CLTCL1: variants seen among roughly 807,000 people sequenced by gnomAD.
The protein encoded by CLTCL1 is clathrin heavy chain 2.
CLTCL1 carries 159 observed loss-of-function variants against 190.0 expected under a neutral mutation model. The ratio of observed to expected loss-of-function variants is 0.84; its 90% CI spans 0.74 to 0.95. CLTCL1 has a LOEUF of 0.95. Ranked by LOEUF, CLTCL1 falls within the 40% of genes least tolerant of loss-of-function variation. The probability of loss-of-function intolerance (pLI) is 0.00; values close to 1 mark genes in which losing one functional copy is unlikely to be tolerated. For missense variants in CLTCL1, 1,878 were observed against 2,033.4 expected, an observed-to-expected ratio of 0.92 and a Z score of 1.47; for synonymous variants, 752 against 769.6, an observed-to-expected ratio of 0.98 and a Z score of 0.38.
chr22:19,182,026 C>G (rs1215868541), intron 30 of CLTCL1: 1 of 152,238 alleles, frequency 6.6e-6, no homozygotes. Context: ...CCCACAAGCA[C>G]TTTGACCCCC....
At chr22:19,260,019 T>C (rs1235623443) in intron 2 of CLTCL1, among the ~76,000 whole-genome samples, 1 of 152,136 alleles carries the variant, frequency 6.6e-6, no homozygotes, top group Non-Finnish European at 1.5e-5. Flanking sequence ...ATGGACAAAG[T>C]TGTAGTGGCC....
At chr22:19,201,886 C>T (rs2084898846) in intron 22 of CLTCL1, among the ~76,000 whole-genome samples, 1 of 152,120 alleles carries the variant, frequency 6.6e-6, no homozygotes, top group South Asian at 2.1e-4. Context: ...AGCCCTAGTT[C>T]CTGATGCCAT....
intron 1 of CLTCL1, among the ~76,000 whole-genome samples, chr22:19,277,533 A>G (rs1364723020): frequency 6.6e-6 from 1 of 152,242 alleles, no homozygotes; most frequent in Non-Finnish European, 1.5e-5. Flanking sequence ...CAAAAAAACA[A>G]AACATTACTT....
chr22:19,193,916 G>C (rs1279248867), intron 26 of CLTCL1, among the ~76,000 whole-genome samples: 1 of 152,222 alleles, frequency 6.6e-6, no homozygotes, highest in Non-Finnish European at 1.5e-5. Flanking sequence ...AAGACTGATT[G>C]TGAAAAGCAA....
At chr22:19,289,169 G>A (rs988820968) in intron 1 of CLTCL1, among the ~76,000 whole-genome samples, 3 of 152,166 alleles carry the variant, frequency 2.0e-5, no homozygotes, top group Admixed American at 2.0e-4. Flanking sequence ...TTTTAGTAGA[G>A]ACGAGGTTTC....
In CLTCL1 at chr22:19,183,447, G is replaced by C. The variant is rs1218498643; in HGVS notation, c.4770C>G (p.Asn1590Lys). 1 of 1,613,592 alleles carries C rather than the reference G, an allele frequency of 6.2e-7. No homozygotes were observed. Among genetic ancestry groups the C allele is most frequent in the Non-Finnish European group, 8.5e-7 (1 of 1,179,894 alleles). The change falls in exon 30 of 33, where the codon AAC (asparagine) becomes AAG (lysine). Residue 1590 changes from asparagine (N) to lysine (K), a missense_variant. By Grantham distance (94) the Asn-to-Lys change is moderately conservative. Coordinates refer to ENST00000427926, the MANE Select transcript of CLTCL1 (RefSeq NM_007098.4). Reference protein sequence around the residue: ...DMVLELAWRHNLVDLAMPYFI... With the variant: ...DMVLELAWRHKLVDLAMPYFI... ...AGTAGGGCATGGCCAAGTCCACGAG[G>C]TTGTGCCTCCAGGCCAGCTCAAGCA... is the stretch of plus-strand genomic sequence containing the variant.
chr22:19,212,397 C>CAA lies in CLTCL1; in HGVS notation c.3066-1890_3066-1889dup, dbSNP rs548435992. ...CAATATGGCAAGACCCTGTCTCTAC[C>CAA]AAAAAAAAAAAAAAAAACAACTAGC... On this transcript the variant is annotated intron_variant, in intron 19 of 32. Transcript: ENST00000427926. 3.3e-3 allele frequency among the ~76,000 whole-genome samples: 337 copies of CAA among 102,320 alleles called. 2 individuals carry two copies. The highest frequency in any genetic ancestry group is 0.016 in the East Asian group (66 of 4,216). The allele number at this position is 102,320 out of a possible 152,430, so 67.1% of individuals were successfully genotyped here.
chr22:19,250,828 A>G (rs2086571017), intron 3 of CLTCL1, among the ~76,000 whole-genome samples: 1 of 152,228 alleles, frequency 6.6e-6, no homozygotes, highest in Non-Finnish European at 1.5e-5. Context: ...TGCTGGGATT[A>G]CAGGCATGAG....
chr22:19,193,399 G>A (rs959543305), intron 26 of CLTCL1, among the ~76,000 whole-genome samples: 6 of 152,206 alleles, frequency 3.9e-5, no homozygotes, highest in African/African-American at 1.4e-4. Context: ...ACTACAGGAG[G>A]AATGGAGCGG....
rs1056762623 is a variant in CLTCL1, at chr22:19,248,900, G to C, written c.519+5059C>G. Among the ~76,000 whole-genome samples, 6 of 152,208 alleles carry C rather than the reference G, an allele frequency of 3.9e-5. No homozygotes were observed. The South Asian group carries it at 8.3e-4, about 21-fold the overall frequency. On this transcript the variant is annotated intron_variant, in intron 3 of 32. Transcript: ENST00000427926. The stretch of plus-strand genomic sequence containing the variant: ...TCAGTTCTTACATTTAGGTCTGATC[G>C]ATTTTGAGTTTTTTAGTATTATGAG...
chr22:19,185,616 G>A (rs564676958), intron 29 of CLTCL1, among the ~76,000 whole-genome samples: 2 of 152,180 alleles, frequency 1.3e-5, no homozygotes, highest in African/African-American at 4.8e-5. Context: ...ATGAGCCAAC[G>A]CGCCCGGCCC....
intron 1 of CLTCL1, among the ~76,000 whole-genome samples, chr22:19,290,755 T>C (rs577381586): frequency 1.4e-4 from 21 of 152,316 alleles, no homozygotes; most frequent in Admixed American, 9.8e-4. Flanking sequence ...CAAAAAGACT[T>C]GAGTCTGAAT....
Position 19,219,888 on chromosome 22 carries a change from G to T in CLTCL1, c.2916C>A (p.Asp972Glu), listed in dbSNP as rs782648623. ...ETNPSRRQLIDQVVQTALSET... is the reference protein window; with the variant it reads ...ETNPSRRQLIEQVVQTALSET... Reference sequence around the variant, plus strand: ...CATACCCATCTCTGTGCCTCACCTGGTCAATTAGCTGTCTCCTGGATGGGT... The same window carrying T: ...CATACCCATCTCTGTGCCTCACCTGTTCAATTAGCTGTCTCCTGGATGGGT... Residue 972 changes from aspartate (D) to glutamate (E), a missense_variant, in exon 18 of 33, where the codon GAC becomes GAA. Physicochemically the swap from Asp to Glu is conservative, Grantham distance 45. Coordinates refer to ENST00000427926, the MANE Select transcript of CLTCL1 (RefSeq NM_007098.4). The T allele has an allele frequency of 6.2e-7, 1 of 1,614,046 alleles. No individual in the cohort carries two copies. Among genetic ancestry groups the T allele is most frequent in the Non-Finnish European group, 8.5e-7 (1 of 1,179,898 alleles).
At chr22:19,272,231 T>C (rs2087344103) in intron 2 of CLTCL1, among the ~76,000 whole-genome samples, 1 of 152,208 alleles carries the variant, frequency 6.6e-6, no homozygotes, top group Non-Finnish European at 1.5e-5. Flanking sequence ...CACCACTTCA[T>C]GCTCTTTAAG....
intron 2 of CLTCL1, among the ~76,000 whole-genome samples, chr22:19,267,149 C>T (rs1241492225): frequency 1.3e-5 from 2 of 151,768 alleles, no homozygotes; most frequent in Admixed American, 6.6e-5. Flanking sequence ...GAAAAATATA[C>T]AAAAATTATT....
chr22:19,286,871 G>A (rs1200176014), intron 1 of CLTCL1, among the ~76,000 whole-genome samples: 12 of 152,166 alleles, frequency 7.9e-5, no homozygotes, highest in African/African-American at 2.9e-4. Context: ...AGGTAGAGAA[G>A]CACTGATTAA....
chr22:19,247,480 T>A (rs1286021297), intron 3 of CLTCL1, among the ~76,000 whole-genome samples: 1 of 152,238 alleles, frequency 6.6e-6, no homozygotes, highest in Non-Finnish European at 1.5e-5. Context: ...TTGTTTTATA[T>A]TCTTCAAACA....
chr22:19,180,386 C>T (rs1555925299), intron 31 of CLTCL1, 148 bp from the exon 32 acceptor site: 1 of 885,810 alleles, frequency 1.1e-6, no homozygotes, highest in African/African-American at 1.6e-5. Context: ...CCAGTCTGCT[C>T]GACAGCCAGG....
chr22:19,223,882 G>A lies in CLTCL1; in HGVS notation c.2292+9C>T. ...GCAGCTCATGGAAGGAGGCAGCACT[G>A]GAACACACCTTCAGGAAGTTCTTCA... On this transcript the variant is annotated intron_variant, in intron 14 of 32. Coordinates refer to ENST00000427926, the MANE Select transcript of CLTCL1 (RefSeq NM_007098.4). The A allele has an allele frequency of 6.2e-7, 1 of 1,613,168 alleles. No homozygotes were observed.
Sources: allele counts gnomAD v4.1 joint callset (sites outside exome capture counted in the v4.1 genomes callset), GRCh38; gene constraint gnomAD v4.1.1; transcripts MANE v1.5; gene names NCBI Gene and HGNC (gene_info 2026-07-23, HGNC 2026-07-21).